Variants in RUVBL1 observed in about 807,000 individuals in gnomAD.
RUVBL1 encodes the protein RuvB like AAA ATPase 1.
A neutral mutation model predicts 52.4 loss-of-function variants in RUVBL1; 4 were observed. That is an observed-to-expected ratio of 0.08 (90% CI 0.04 to 0.17). The LOEUF (loss-of-function observed/expected upper bound fraction) is 0.17. RUVBL1 is among the 10% of genes least tolerant of loss of function. The pLI is 1.00. For missense variants in RUVBL1, 298 were observed against 572.8 expected (o/e 0.52, Z 4.90); for synonymous variants, 217 against 214.4 (o/e 1.01, Z -0.10).
At chr3:128,147,654 C>A (rs527903443) in intron 1 of RUVBL1, among the ~76,000 whole-genome samples, 1 of 152,106 alleles carries the variant, frequency 6.6e-6, no homozygotes, top group Non-Finnish European at 1.5e-5. Context: ...TACATTGCTG[C>A]GGGAATGTAA....
At chr3:128,074,597 C>T (rs1942253917) in intron 9 of RUVBL1, among the ~76,000 whole-genome samples, 1 of 152,094 alleles carries the variant, frequency 6.6e-6, no homozygotes, top group Admixed American at 6.5e-5. Context: ...AATTCTGGCA[C>T]TGTGGGAGGC....
At chr3:128,079,778 C>G (rs554198551), downstream of RUVBL1, among the ~76,000 whole-genome samples, 1 of 152,380 alleles carries the variant, frequency 6.6e-6, no homozygotes, top group East Asian at 1.9e-4. Context: ...CCACTGTCCC[C>G]TTGACATGAC....
At chr3:128,104,418 C>A (rs968056892) in intron 4 of RUVBL1, among the ~76,000 whole-genome samples, 1 of 152,184 alleles carries the variant, frequency 6.6e-6, no homozygotes, top group Non-Finnish European at 1.5e-5. Flanking sequence ...GCACTGATAA[C>A]TGGAAAAATT....
intron 1 of RUVBL1, among the ~76,000 whole-genome samples, chr3:128,130,901 C>G (rs34174370): frequency 6.6e-6 from 1 of 151,744 alleles, no homozygotes; most frequent in Non-Finnish European, 1.5e-5. Flanking sequence ...CTGCCCACCT[C>G]GGCCTCCCAA....
chr3:128,106,454 C>T (rs557130245), intron 3 of RUVBL1, among the ~76,000 whole-genome samples: 82 of 152,006 alleles, frequency 5.4e-4, no homozygotes, highest in African/African-American at 2.0e-3. Flanking sequence ...CAGTTTAAAA[C>T]GTATCCCCCC....
intron 1 of RUVBL1, among the ~76,000 whole-genome samples, chr3:128,121,575 T>C (rs1393946417): frequency 6.6e-6 from 1 of 150,708 alleles, no homozygotes; most frequent in Admixed American, 6.6e-5. Context: ...CCGAGCGTGG[T>C]GGTAGGCGCC....
chr3:128,120,356 G>A (rs1238715826), intron 1 of RUVBL1, among the ~76,000 whole-genome samples: 8 of 152,018 alleles, frequency 5.3e-5, no homozygotes, highest in African/African-American at 1.9e-4. Context: ...GAATCCTCAA[G>A]GTTAAATTAC....
rs769495174 is a variant in RUVBL1 at position 128,068,084 on chromosome 3, A to G, written c.940-2864T>C. The G allele has an allele frequency of 9.4e-6, 15 of 1,590,390 alleles. No homozygotes were observed. The South Asian group carries it at 1.4e-4, about 15-fold the overall frequency. On this transcript the variant is annotated intron_variant, in intron 9 of 9. Transcript: ENST00000464873. ...GGTGAGTGGTGGCCCCAGGTCCCCA[A>G]CCTCCCGTCTGTGGACATGTGTTGT...
rs201363121 is a variant in RUVBL1, at chr3:128,069,494, G to A, written c.940-4274C>T. 89 of 1,612,402 alleles carry A rather than the reference G, an allele frequency of 5.5e-5. No individual in the cohort carries two copies. The highest frequency in any genetic ancestry group is 1.8e-4 in the Admixed American group (11 of 60,006). On this transcript the variant is annotated intron_variant, in intron 9 of 9. Transcript: ENST00000464873. The stretch of plus-strand genomic sequence containing the variant: ...CCCCCAGGTACATCCCCACAGCCGC[G>A]GCCTTTGGTGGGCTGTGCATCGGGG...
At chr3:128,133,254 T>G (rs1430508334) in intron 1 of RUVBL1, among the ~76,000 whole-genome samples, 1 of 152,240 alleles carries the variant, frequency 6.6e-6, no homozygotes, top group Non-Finnish European at 1.5e-5. Flanking sequence ...TTCCTAAGGT[T>G]TCTGACTCCA....
chr3:128,138,474 A>C (rs969376413), intron 1 of RUVBL1, among the ~76,000 whole-genome samples: 4 of 152,170 alleles, frequency 2.6e-5, no homozygotes, highest in African/African-American at 9.7e-5. Context: ...TACAAATACA[A>C]TAAAATACTA....
At chr3:128,117,592 G>A (rs1182839792) in intron 2 of RUVBL1, among the ~76,000 whole-genome samples, 1 of 151,888 alleles carries the variant, frequency 6.6e-6, no homozygotes, top group Non-Finnish European at 1.5e-5. Context: ...AATAGCTGAA[G>A]AGATTAACGC....
At chr3:128,117,358 T>G (rs548723616) in intron 2 of RUVBL1, among the ~76,000 whole-genome samples, 2 of 152,304 alleles carry the variant, frequency 1.3e-5, no homozygotes, top group African/African-American at 2.4e-5. Flanking sequence ...AATTCCTTAT[T>G]ATGGAAACTG....
At chr3:128,128,254 C>T (rs1431118630), upstream of RUVBL1, among the ~76,000 whole-genome samples, 1 of 152,182 alleles carries the variant, frequency 6.6e-6, no homozygotes, top group Non-Finnish European at 1.5e-5. Flanking sequence ...TCCCAAAATG[C>T]TGGGATTACA....
At chr3:128,068,070 GC>G in intron 9 of RUVBL1, 3 of 1,611,486 alleles carry the variant, frequency 1.9e-6, no homozygotes, top group Non-Finnish European at 2.5e-6. Flanking sequence ...GTGAGTGGTG[GC>G]CCCAGGTCCC....
upstream of RUVBL1, among the ~76,000 whole-genome samples, chr3:128,128,007 AATACATACATAC>A (rs57824701): frequency 3.1e-3 from 467 of 148,998 alleles, 1 homozygote; most frequent in East Asian, 5.1e-3. Context: ...AAAAATAATA[AATACATACATAC>A]ATACATACAT....
intron 1 of RUVBL1, among the ~76,000 whole-genome samples, chr3:128,132,253 C>T (rs1943890271): frequency 6.6e-6 from 1 of 152,192 alleles, no homozygotes. Flanking sequence ...TTCCGGCCAG[C>T]CTCATCACCG....
At chr3:128,097,213 C>A in intron 8 of RUVBL1, 87 bp downstream of exon 8, 2 of 1,317,098 alleles carry the variant, frequency 1.5e-6, no homozygotes, top group Non-Finnish European at 1.1e-6. Flanking sequence ...CCCTGTCCCA[C>A]CTCATGGGGT....
At chr3:128,066,842 C>A in intron 9 of RUVBL1, 1 of 997,422 alleles carries the variant, frequency 1.0e-6, no homozygotes, top group Non-Finnish European at 1.5e-6. Flanking sequence ...AGAACCAGCA[C>A]ACAGGATTTC....
Sources: allele counts gnomAD v4.1 joint callset (sites outside exome capture counted in the v4.1 genomes callset), GRCh38; gene constraint gnomAD v4.1.1; transcripts MANE v1.5; gene names NCBI Gene and HGNC (gene_info 2026-07-23, HGNC 2026-07-21).